The following PARD3 variants were observed in gnomAD, a reference collection of about 807,000 sequenced individuals.
PARD3 encodes the protein par-3 family cell polarity regulator.
In PARD3, 75 loss-of-function variants were observed where a neutral mutation model predicts 155.4. That is an observed-to-expected ratio of 0.48 (90% CI 0.40 to 0.58). The LOEUF is 0.58. Ranked by LOEUF, PARD3 falls within the 20% of genes least tolerant of loss-of-function variation. The pLI is 0.00. For synonymous variants in PARD3, 576 were observed against 610.5 expected (o/e 0.94, Z 0.83); for missense variants, 1,642 against 1,721.7 (o/e 0.95, Z 0.82).
At chr10:34,308,146 T>C (rs1176357294) in intron 20 of PARD3, among the ~76,000 whole-genome samples, 9 of 150,076 alleles carry the variant, frequency 6.0e-5, no homozygotes, top group Admixed American at 5.9e-4. Flanking sequence ...GAAAGAGCGG[T>C]AGGGACAAGG....
At chr10:34,120,183 ATTTTT>A (rs57670906) in intron 23 of PARD3, among the ~76,000 whole-genome samples, 54 of 113,668 alleles carry the variant, frequency 4.8e-4, no homozygotes, top group African/African-American at 1.6e-3. Context: ...TGCCTGGCTA[ATTTTT>A]TTTTTTTTTT....
intron 7 of PARD3, among the ~76,000 whole-genome samples, chr10:34,385,941 G>C (rs1243732977): frequency 6.6e-6 from 1 of 152,130 alleles, no homozygotes; most frequent in East Asian, 1.9e-4. Context: ...TTGCAAAATA[G>C]AATACAAGTG....
At chr10:34,284,377 A>G in intron 20 of PARD3, 132 bp from the exon 21 acceptor site, 1 of 558,420 alleles carries the variant, frequency 1.8e-6, no homozygotes. Context: ...TTCTGCAGTC[A>G]GTAGTTTGGG....
At chr10:34,140,402 A>G (rs917899513) in intron 22 of PARD3, among the ~76,000 whole-genome samples, 2 of 152,234 alleles carry the variant, frequency 1.3e-5, no homozygotes, top group Non-Finnish European at 2.9e-5. Context: ...ACCTGTTCAA[A>G]GCACACGGTG....
chr10:34,573,673 C>A (rs1352968135), intron 2 of PARD3, among the ~76,000 whole-genome samples: 1 of 152,014 alleles, frequency 6.6e-6, no homozygotes, highest in African/African-American at 2.4e-5. Flanking sequence ...TGCCACTGCA[C>A]TCCAGCCTGG....
intron 1 of PARD3, among the ~76,000 whole-genome samples, chr10:34,700,293 C>T (rs924627128): frequency 5.3e-5 from 8 of 152,072 alleles, no homozygotes; most frequent in Non-Finnish European, 5.9e-5. Flanking sequence ...AAAACATTTC[C>T]TAAGACTAAG....
At chr10:34,261,741 G>A (rs1040245008) in intron 22 of PARD3, among the ~76,000 whole-genome samples, 1 of 137,108 alleles carries the variant, frequency 7.3e-6, no homozygotes, top group Non-Finnish European at 1.6e-5. Flanking sequence ...AGGAAGAAAG[G>A]AAGAAAGGAA....
intron 2 of PARD3, among the ~76,000 whole-genome samples, chr10:34,637,731 G>A (rs1374821121): frequency 6.6e-6 from 1 of 152,218 alleles, no homozygotes; most frequent in Non-Finnish European, 1.5e-5. Flanking sequence ...CAGCACCTCT[G>A]CATCAGGCCG....
intron 2 of PARD3, among the ~76,000 whole-genome samples, chr10:34,663,012 G>C (rs1401402180): frequency 6.6e-6 from 1 of 152,184 alleles, no homozygotes; most frequent in Non-Finnish European, 1.5e-5. Flanking sequence ...ATAGAGAGTA[G>C]ATGATGGTTA....
At chr10:34,457,179 T>C (rs2077382573) in intron 4 of PARD3, among the ~76,000 whole-genome samples, 1 of 152,070 alleles carries the variant, frequency 6.6e-6, no homozygotes, top group South Asian at 2.1e-4. Flanking sequence ...GCTATGAACA[T>C]AAAGGGATCC....
intron 22 of PARD3, among the ~76,000 whole-genome samples, chr10:34,267,868 G>A (rs1268405196): frequency 1.3e-5 from 2 of 152,108 alleles, no homozygotes; most frequent in South Asian, 2.1e-4. Flanking sequence ...AATTTGGGGA[G>A]AGTCCATCAA....
At chr10:34,703,643 T>C (rs576970496) in intron 1 of PARD3, among the ~76,000 whole-genome samples, 29 of 152,150 alleles carry the variant, frequency 1.9e-4, no homozygotes, top group African/African-American at 5.8e-4. Flanking sequence ...AAAAGTTCCA[T>C]AGAGACCCCA....
intron 1 of PARD3, among the ~76,000 whole-genome samples, chr10:34,767,459 A>G (rs977144651): frequency 2.6e-5 from 4 of 152,136 alleles, no homozygotes; most frequent in African/African-American, 9.7e-5. Context: ...CAGAGTGCCC[A>G]GAACACTCAG....
chr10:34,151,500 T>C (rs574708275), intron 22 of PARD3, among the ~76,000 whole-genome samples: 1 of 152,306 alleles, frequency 6.6e-6, no homozygotes, highest in South Asian at 2.1e-4. Context: ...AGCTCCAAAT[T>C]TTCCAATTAA....
chr10:34,172,898 A>G (rs1238879635), intron 22 of PARD3, among the ~76,000 whole-genome samples: 2 of 152,234 alleles, frequency 1.3e-5, no homozygotes, highest in South Asian at 2.1e-4. Flanking sequence ...TCATTATTAC[A>G]TATGAACAAT....
At chr10:34,435,873 A>C (rs1405350993) in intron 5 of PARD3, among the ~76,000 whole-genome samples, 2 of 152,054 alleles carry the variant, frequency 1.3e-5, no homozygotes, top group African/African-American at 2.4e-5. Flanking sequence ...ACAGCATAAA[A>C]CTCTTACTTT....
At chr10:34,482,368 G>A (rs1411904475) in intron 3 of PARD3, among the ~76,000 whole-genome samples, 2 of 151,516 alleles carry the variant, frequency 1.3e-5, no homozygotes, top group African/African-American at 2.4e-5. Context: ...AATGGGTCTC[G>A]CTATATTACC....
At chr10:34,384,501 C>G (rs1333491477) in intron 7 of PARD3, among the ~76,000 whole-genome samples, 1 of 152,158 alleles carries the variant, frequency 6.6e-6, no homozygotes, top group Non-Finnish European at 1.5e-5. Context: ...CTAGAACAAG[C>G]TATAACACTC....
chr10:34,770,517 G>GT (rs1273961482), intron 1 of PARD3, among the ~76,000 whole-genome samples: 4 of 152,168 alleles, frequency 2.6e-5, no homozygotes, highest in African/African-American at 9.7e-5. Flanking sequence ...AGGAAGAACT[G>GT]TAAGTGAAAG....
Sources: allele counts gnomAD v4.1 joint callset (sites outside exome capture counted in the v4.1 genomes callset), GRCh38; gene constraint gnomAD v4.1.1; transcripts MANE v1.5; gene names NCBI Gene and HGNC (gene_info 2026-07-23, HGNC 2026-07-21).